Variants in GCNT1 observed in about 807,000 individuals in gnomAD.
The protein encoded by GCNT1 is beta-1,3-galactosyl-O-glycosyl-glycoprotein beta-1,6-N-acetylglucosaminyltransferase.
Under a neutral mutation model 26.2 loss-of-function variants are expected in GCNT1, and 16 were observed. That is an observed-to-expected ratio of 0.61 (90% CI 0.41 to 0.93). The LOEUF is 0.93. Among genes scored for constraint, GCNT1 ranks in the 40% least tolerant of loss-of-function variants. The probability of loss-of-function intolerance (pLI) is 0.00; values close to 1 mark genes in which losing one functional copy is unlikely to be tolerated. For missense variants in GCNT1, 477 were observed against 526.7 expected, an observed-to-expected ratio of 0.91 and a Z score of 0.92; for synonymous variants, 183 against 190.8, an observed-to-expected ratio of 0.96 and a Z score of 0.34.
chr9:76,503,533 A>C lies in GCNT1; in HGVS notation c.1152A>C (p.Gly384=). ...ATGTGCGCTCAGTGTGCATTTTCGG[A>C]GCTGGTGACTTGAACTGGATGCTGC... ...GVHVRSVCIF[G]AGDLNWMLRK... Residue 384 remains glycine, a synonymous_variant, in exon 4 of 4, where the codon GGA becomes GGC. Coordinates refer to ENST00000376730, the MANE Select transcript of GCNT1 (RefSeq NM_001490.5). 1 of 1,614,070 alleles carries C rather than the reference A, an allele frequency of 6.2e-7. No individual in the cohort carries two copies. Among genetic ancestry groups the C allele is most frequent in the Non-Finnish European group, 8.5e-7 (1 of 1,180,004 alleles).
chr9:76,479,309 A>G (rs140090787), intron 2 of GCNT1, among the ~76,000 whole-genome samples: 3,786 of 152,294 alleles, frequency 0.025, 152 homozygotes, highest in African/African-American at 0.086. Flanking sequence ...TAGTGCCGCA[A>G]TAAACCTACG....
At chr9:76,478,930 C>A (rs987362544) in intron 2 of GCNT1, among the ~76,000 whole-genome samples, 1 of 152,158 alleles carries the variant, frequency 6.6e-6, no homozygotes, top group African/African-American at 2.4e-5. Flanking sequence ...CATATGTATA[C>A]ATGTGCCATG....
chr9:76,458,424 C>T (rs1002914930), upstream of GCNT1, among the ~76,000 whole-genome samples: 8 of 151,974 alleles, frequency 5.3e-5, no homozygotes, highest in Non-Finnish European at 7.4e-5. Flanking sequence ...CCTGGTGATC[C>T]GCCCGCCTCG....
chr9:76,503,744 C>T lies in GCNT1; in HGVS notation c.*76C>T, dbSNP rs1825159955. ...TTATCTGTTTCCCCTTCCTTGTCAG[C>T]ATCGGGAAGATGGTATGAAGTCCTC... On this transcript the variant is annotated 3_prime_UTR_variant, in exon 4 of 4. Coordinates refer to ENST00000376730, the MANE Select transcript of GCNT1 (RefSeq NM_001490.5). 8.1e-7 allele frequency: 1 copy of T among 1,228,276 alleles called. No homozygotes were observed. Among genetic ancestry groups the T allele is most frequent in the Admixed American group, 1.7e-5 (1 of 57,264 alleles). 76.1% of individuals were successfully genotyped at this position (1,228,276 alleles called of 1,614,324 possible). A position where few individuals can be genotyped will look rare whatever the true frequency, so the allele number is the denominator to read the frequency against.
rs368874355 is a variant in GCNT1 at position 76,467,044 on chromosome 9, CT to C, written c.-290+6879del. On this transcript the variant is annotated intron_variant, in intron 2 of 3. Coordinates refer to ENST00000376730, the MANE Select transcript of GCNT1 (RefSeq NM_001490.5). The stretch of plus-strand genomic sequence containing the variant: ...TAAAGGCAGTAAATGCTCAGCTGAT[CT>C]TTTTTTTTTTTCTTTGAGATGGAGT... Among the ~76,000 whole-genome samples, 161 of 146,878 alleles carry C rather than the reference CT, an allele frequency of 1.1e-3. 1 individual carries two copies. The highest frequency in any genetic ancestry group is 1.6e-3 in the Admixed American group (23 of 14,706).
intron 1 of GCNT1, among the ~76,000 whole-genome samples, chr9:76,442,605 C>T (rs1283203801): frequency 4.6e-5 from 7 of 152,058 alleles, no homozygotes; most frequent in Non-Finnish European, 7.4e-5. Context: ...CACTTGAACC[C>T]GTGAGGCAGA....
intron 1 of GCNT1, among the ~76,000 whole-genome samples, chr9:76,446,303 C>T (rs1171987093): frequency 6.6e-6 from 1 of 152,104 alleles, no homozygotes; most frequent in African/African-American, 2.4e-5. Flanking sequence ...GGGTGTAAGA[C>T]AAGGAGAGTT....
the GCNT1 span, chr9:76,394,043 C>T: frequency 1.3e-6 from 2 of 1,536,786 alleles, no homozygotes; most frequent in East Asian, 2.4e-5. Context: ...TCTCTCCCCG[C>T]TCCCCACGTG....
chr9:76,497,841 A>G (rs1257352356), intron 2 of GCNT1, among the ~76,000 whole-genome samples: 1 of 152,220 alleles, frequency 6.6e-6, no homozygotes, highest in Admixed American at 6.5e-5. Flanking sequence ...TATTGTTACT[A>G]TTCTAATAAT....
chr9:76,414,844 G>T, the GCNT1 span, among the ~76,000 whole-genome samples: 1 of 152,030 alleles, frequency 6.6e-6, no homozygotes, highest in South Asian at 2.1e-4. Context: ...TCATCAGTAG[G>T]GTCTTTACAA....
At chr9:76,459,843 C>G (rs1250742491) in intron 1 of GCNT1, among the ~76,000 whole-genome samples, 1 of 152,210 alleles carries the variant, frequency 6.6e-6, no homozygotes, top group Non-Finnish European at 1.5e-5. Flanking sequence ...CCTCTCCTTT[C>G]CTGCTCCCTC....
intron 2 of GCNT1, among the ~76,000 whole-genome samples, chr9:76,480,884 C>T (rs530809678): frequency 6.1e-4 from 92 of 151,924 alleles, no homozygotes; most frequent in African/African-American, 2.1e-3. Context: ...CATCAAATTT[C>T]ATTATGTATT....
At chr9:76,434,320 T>C (rs1823377401) in intron 1 of GCNT1, among the ~76,000 whole-genome samples, 2 of 152,164 alleles carry the variant, frequency 1.3e-5, no homozygotes, top group Admixed American at 1.3e-4. Context: ...CCATAGGTCA[T>C]GTTCAGGACT....
At chr9:76,453,359 AAAG>A (rs1411216018) in intron 1 of GCNT1, among the ~76,000 whole-genome samples, 2 of 152,228 alleles carry the variant, frequency 1.3e-5, no homozygotes, top group Non-Finnish European at 2.9e-5. Flanking sequence ...AAAGTGGTAA[AAAG>A]GAGGGATGAG....
Position 76,502,179 on chromosome 9 carries a change from G to GTA in GCNT1, c.-143-36_-143-35dup, listed in dbSNP as rs59104914. ...AAACTCTCTCTCTCTCTCTCTCTCTGTATATATATATATATATATATATAT... is the reference window on the plus strand; with the variant it reads ...AAACTCTCTCTCTCTCTCTCTCTCTGTATATATATATATATATATATATATAT... On this transcript the variant is annotated intron_variant, in intron 3 of 3. Coordinates refer to ENST00000376730, the MANE Select transcript of GCNT1 (RefSeq NM_001490.5). 5.1e-3 allele frequency: 786 copies of GTA among 154,734 alleles called. 3 individuals carry two copies. Among genetic ancestry groups the GTA allele is most frequent in the South Asian group, 0.01 (48 of 4,666 alleles). 9.6% of individuals were successfully genotyped at this position (154,734 alleles called of 1,614,324 possible).
intron 1 of GCNT1, among the ~76,000 whole-genome samples, chr9:76,425,953 C>G (rs368390299): frequency 6.6e-6 from 1 of 152,146 alleles, no homozygotes; most frequent in East Asian, 1.9e-4. Flanking sequence ...ATCTCAAGCA[C>G]TGATCTTAGG....
intron 2 of GCNT1, among the ~76,000 whole-genome samples, chr9:76,486,494 C>T (rs1824578176): frequency 6.6e-6 from 1 of 152,152 alleles, no homozygotes; most frequent in African/African-American, 2.4e-5. Context: ...TTTAGTCTAC[C>T]TTTCAGCAGA....
intron 3 of GCNT1, chr9:76,501,873 G>A (rs1825079237): frequency 6.6e-6 from 1 of 152,194 alleles, no homozygotes; most frequent in South Asian, 2.1e-4. Flanking sequence ...ACTATAGACT[G>A]TTCAATCATT....
upstream of GCNT1, among the ~76,000 whole-genome samples, chr9:76,455,423 T>C (rs1216339925): frequency 6.6e-6 from 1 of 152,172 alleles, no homozygotes; most frequent in African/African-American, 2.4e-5. Flanking sequence ...TATGGCCTTG[T>C]TGTAAGTGTG....
Sources: gnomAD v4.1 joint callset for allele counts (sites outside exome capture counted in the v4.1 genomes callset) on GRCh38, gnomAD v4.1.1 for gene constraint, MANE v1.5 for transcripts, NCBI Gene and HGNC (gene_info 2026-07-23, HGNC 2026-07-21) for gene names.